PHTF1: variants seen among roughly 807,000 people sequenced by gnomAD.
PHTF1 encodes the protein putative homeodomain transcription factor 1, also known as protein PHTF1.
PHTF1 carries 88 observed loss-of-function variants against 102.4 expected under a neutral mutation model. The ratio of observed to expected loss-of-function variants is 0.86; its 90% CI spans 0.72 to 1.03. The LOEUF (loss-of-function observed/expected upper bound fraction) is 1.03. Ranked by LOEUF, PHTF1 falls within the 50% of genes least tolerant of loss-of-function variation. PHTF1 has a pLI of 0.00. For missense variants in PHTF1, 814 were observed against 909.5 expected (o/e 0.89, Z 1.35); for synonymous variants, 289 against 305.2 (o/e 0.95, Z 0.55).
At chr1:113,715,138 C>A (rs1651790434) in intron 7 of PHTF1, 1 of 152,252 alleles carries the variant, frequency 6.6e-6, no homozygotes, top group Admixed American at 6.5e-5. Context: ...ATGCCCAATT[C>A]CCCTCAAATA....
At chr1:113,757,512 G>C (rs1278136839) in intron 3 of PHTF1, among the ~76,000 whole-genome samples, 187 bp downstream of exon 3, 1 of 152,142 alleles carries the variant, frequency 6.6e-6, no homozygotes, top group Non-Finnish European at 1.5e-5. Flanking sequence ...ACTCCTTTCT[G>C]TTTTCCTGAT....
At chr1:113,726,942 G>A (rs1653937102) in intron 5 of PHTF1, among the ~76,000 whole-genome samples, 1 of 152,134 alleles carries the variant, frequency 6.6e-6, no homozygotes, top group South Asian at 2.1e-4. Flanking sequence ...CAAAGATGGG[G>A]ATTGAACCCA....
At chr1:113,753,413 TA>T (rs1658371005) in intron 3 of PHTF1, among the ~76,000 whole-genome samples, 1 of 142,596 alleles carries the variant, frequency 7.0e-6, no homozygotes, top group Non-Finnish European at 1.5e-5. Context: ...CTGACCTTCT[TA>T]ATTAGGTTCT....
chr1:113,745,394 TAG>T (rs938124244), intron 3 of PHTF1, among the ~76,000 whole-genome samples: 4 of 152,060 alleles, frequency 2.6e-5, no homozygotes, highest in African/African-American at 9.7e-5. Flanking sequence ...AGAAAGCAGT[TAG>T]AAAGTTAAAA....
chr1:113,707,747 G>A (rs1356872384), intron 11 of PHTF1, among the ~76,000 whole-genome samples: 1 of 152,150 alleles, frequency 6.6e-6, no homozygotes, highest in Non-Finnish European at 1.5e-5. Context: ...CAAGATAGAT[G>A]TCCTTGCTAT....
At chr1:113,731,260 A>C (rs977953907) in intron 5 of PHTF1, among the ~76,000 whole-genome samples, 2 of 152,198 alleles carry the variant, frequency 1.3e-5, no homozygotes, top group African/African-American at 4.8e-5. Context: ...GTGGTGGCTC[A>C]CACGTGTAAC....
At chr1:113,700,325 T>TA (rs1021352952) in intron 16 of PHTF1, 4 of 266,418 alleles carry the variant, frequency 1.5e-5, no homozygotes, top group African/African-American at 6.9e-5. Context: ...AAAACAAAAT[T>TA]AAAAAAACTT....
intron 13 of PHTF1, 112 bp from the exon 14 acceptor site, chr1:113,704,909 AATC>A (rs1649899317): frequency 1.2e-6 from 1 of 806,712 alleles, no homozygotes; most frequent in African/African-American, 1.7e-5. Context: ...ATGAAGTTCT[AATC>A]AGTGTTCAGT....
intron 14 of PHTF1, 69 bp from the exon 15 acceptor site, chr1:113,704,236 C>T: frequency 2.4e-6 from 2 of 836,824 alleles, no homozygotes; most frequent in Non-Finnish European, 2.0e-6. Context: ...ACATTATTAA[C>T]ACTCTGAATT....
At chr1:113,753,283 A>AT (rs1658355976) in intron 3 of PHTF1, among the ~76,000 whole-genome samples, 1 of 152,228 alleles carries the variant, frequency 6.6e-6, no homozygotes, top group Non-Finnish European at 1.5e-5. Context: ...GCTGAGAAGT[A>AT]TATTTCCTTC....
chr1:113,706,771 A>C, intron 11 of PHTF1, 49 bp from the exon 12 acceptor site: 8 of 1,418,100 alleles, frequency 5.6e-6, no homozygotes, highest in Non-Finnish European at 7.7e-6. Context: ...TCTTGCCTCC[A>C]TTAGTTTTTC....
intron 5 of PHTF1, among the ~76,000 whole-genome samples, 177 bp from the exon 6 acceptor site, chr1:113,726,751 T>C (rs572927683): frequency 2.0e-5 from 3 of 152,284 alleles, no homozygotes; most frequent in African/African-American, 7.2e-5. Context: ...AAGCCCTAGA[T>C]CCCTCGGCAA....
intron 3 of PHTF1, among the ~76,000 whole-genome samples, chr1:113,751,078 G>T (rs1016837687): frequency 6.6e-6 from 1 of 152,146 alleles, no homozygotes; most frequent in African/African-American, 2.4e-5. Context: ...CCTAGGCAAT[G>T]TGGTGAGACC....
In PHTF1 at chr1:113,711,810, C is replaced by T. The variant is rs1344660861; in HGVS notation, c.983G>A (p.Cys328Tyr). ...SQVKKTTTRW[C>Y]HIVRDSDSLA... is the part of the protein sequence containing the mutation. The stretch of plus-strand genomic sequence containing the variant: ...ACTATCTGAATCCCGCACAATATGA[C>T]ACCACCTTGTAGTGGTTTTCTTTAC... Residue 328 changes from cysteine to tyrosine, a missense_variant, in exon 10 of 19, where the codon TGT becomes TAT. Cys to Tyr is a radical substitution (Grantham distance 194). Transcript: ENST00000369604. 6.2e-7 allele frequency: 1 copy of T among 1,613,902 alleles called. No individual in the cohort carries two copies. Among genetic ancestry groups the T allele is most frequent in the Middle Eastern group, 1.6e-4 (1 of 6,062 alleles).
intron 15 of PHTF1, among the ~76,000 whole-genome samples, chr1:113,701,327 G>T (rs1162868115): frequency 1.3e-5 from 2 of 152,238 alleles, no homozygotes; most frequent in Admixed American, 1.3e-4. Flanking sequence ...CATTCCACTG[G>T]TATGACTAGA....
chr1:113,754,847 A>G (rs1385304918), intron 3 of PHTF1, among the ~76,000 whole-genome samples: 1 of 152,172 alleles, frequency 6.6e-6, no homozygotes, highest in African/African-American at 2.4e-5. Context: ...GTAACCTTCA[A>G]ATAGATTTAT....
intron 3 of PHTF1, chr1:113,746,743 G>A (rs1274174648): frequency 1.4e-5 from 3 of 220,644 alleles, no homozygotes; most frequent in Admixed American, 6.5e-5. Flanking sequence ...ATCATTTAAT[G>A]TATTATTTGG....
chr1:113,754,482 G>C (rs568864383), intron 3 of PHTF1, among the ~76,000 whole-genome samples: 1 of 151,994 alleles, frequency 6.6e-6, no homozygotes, highest in South Asian at 2.1e-4. Flanking sequence ...CCACATTGTA[G>C]GTAAGCAGTC....
In PHTF1 at chr1:113,720,483, G is replaced by C. The variant is rs551044436; in HGVS notation, c.623+4276C>G. On this transcript the variant is annotated intron_variant, in intron 7 of 18. Coordinates refer to ENST00000369604, the MANE Select transcript of PHTF1 (RefSeq NM_001323043.2). ...CTAAACATTTTACCTACTGGCTATAGAATACACATTTTTCTCCTCAGTGCA... is the reference window on the plus strand; with the variant it reads ...CTAAACATTTTACCTACTGGCTATACAATACACATTTTTCTCCTCAGTGCA... 2.6e-5 allele frequency among the ~76,000 whole-genome samples: 4 copies of C among 152,286 alleles called. No homozygotes were observed. The South Asian group carries it at 8.3e-4, about 32-fold the overall frequency.
Sources: allele counts gnomAD v4.1 joint callset (sites outside exome capture counted in the v4.1 genomes callset), GRCh38; gene constraint gnomAD v4.1.1; transcripts MANE v1.5; gene names NCBI Gene and HGNC (gene_info 2026-07-23, HGNC 2026-07-21).